Variants in CNTN5 observed in about 807,000 individuals in gnomAD.
CNTN5 encodes contactin-5.
Under a neutral mutation model 129.1 loss-of-function variants are expected in CNTN5, and 77 were observed. That is an observed-to-expected ratio of 0.60 (90% CI 0.50 to 0.72). The LOEUF is 0.72. CNTN5 is among the 30% of genes least tolerant of loss of function. The probability of loss-of-function intolerance (pLI) is 0.00; values close to 1 mark genes in which losing one functional copy is unlikely to be tolerated. For missense variants in CNTN5, 1,478 were observed against 1,328.8 expected (o/e 1.11, Z -1.75); for synonymous variants, 509 against 465.6 (o/e 1.09, Z -1.20).
intron 3 of CNTN5, among the ~76,000 whole-genome samples, chr11:99,671,115 GCT>G (rs1187462385): frequency 4.0e-5 from 6 of 148,558 alleles, no homozygotes; most frequent in African/African-American, 1.5e-4. Context: ...GCTCGCTCTT[GCT>G]CTCTCTCTCT....
chr11:100,049,421 A>C (rs1288124177), intron 9 of CNTN5, among the ~76,000 whole-genome samples: 1 of 152,262 alleles, frequency 6.6e-6, no homozygotes, highest in South Asian at 2.1e-4. Context: ...TGAAATACTA[A>C]AAACTAATAA....
At chr11:99,253,897 T>TTTTATATATA (rs376157994) in intron 1 of CNTN5, among the ~76,000 whole-genome samples, 120 of 139,042 alleles carry the variant, frequency 8.6e-4, no homozygotes, top group African/African-American at 2.9e-3. Context: ...AAATATACGT[T>TTTTATATATA]TATATATATA....
intron 2 of CNTN5, among the ~76,000 whole-genome samples, chr11:99,414,227 T>C (rs897872475): frequency 6.6e-6 from 1 of 152,146 alleles, no homozygotes; most frequent in Admixed American, 6.6e-5. Flanking sequence ...AACAAAAATA[T>C]ACATTTCCAT....
chr11:100,134,268 A>G (rs909142395), intron 13 of CNTN5, among the ~76,000 whole-genome samples: 2 of 152,156 alleles, frequency 1.3e-5, no homozygotes, highest in Non-Finnish European at 2.9e-5. Context: ...TTAGAAGGGC[A>G]GGCTGTAAAC....
intron 7 of CNTN5, among the ~76,000 whole-genome samples, chr11:99,955,171 T>C (rs1015379029): frequency 6.6e-6 from 1 of 150,734 alleles, no homozygotes; most frequent in Non-Finnish European, 1.5e-5. Context: ...CTAAAATAAA[T>C]ATATATTAAA....
intron 3 of CNTN5, among the ~76,000 whole-genome samples, chr11:99,732,551 G>A (rs1943570522): frequency 6.6e-6 from 1 of 152,174 alleles, no homozygotes; most frequent in African/African-American, 2.4e-5. Context: ...CATGAGAGAG[G>A]TGAGAATTGA....
intron 1 of CNTN5, among the ~76,000 whole-genome samples, chr11:99,119,392 T>C (rs1257552536): frequency 6.6e-6 from 1 of 152,208 alleles, no homozygotes; most frequent in Non-Finnish European, 1.5e-5. Flanking sequence ...CATACGGTTT[T>C]TGGTTTTCTG....
intron 15 of CNTN5, among the ~76,000 whole-genome samples, chr11:100,215,431 T>G (rs1250953553): frequency 6.6e-6 from 1 of 152,184 alleles, no homozygotes; most frequent in African/African-American, 2.4e-5. Flanking sequence ...AACAAGTAGT[T>G]ATATCCTAGG....
chr11:99,214,799 G>A (rs111951842), intron 1 of CNTN5, among the ~76,000 whole-genome samples: 1,618 of 152,144 alleles, frequency 0.011, 16 homozygotes, highest in Non-Finnish European at 0.014. Context: ...AGGAATTCCA[G>A]TGATACCATA....
At chr11:100,026,099 T>C (rs1318606141) in intron 9 of CNTN5, among the ~76,000 whole-genome samples, 1 of 152,114 alleles carries the variant, frequency 6.6e-6, no homozygotes, top group African/African-American at 2.4e-5. Flanking sequence ...TTAATCCCCA[T>C]GTGTCAAGGG....
At chr11:99,348,412 C>T (rs1728482649) in intron 2 of CNTN5, among the ~76,000 whole-genome samples, 1 of 152,150 alleles carries the variant, frequency 6.6e-6, no homozygotes, top group Non-Finnish European at 1.5e-5. Flanking sequence ...AGGCCTAGAA[C>T]ATATTGATAA....
chr11:100,032,000 G>A (rs1024383801), intron 9 of CNTN5, among the ~76,000 whole-genome samples: 8 of 152,146 alleles, frequency 5.3e-5, no homozygotes, highest in East Asian at 1.9e-4. Context: ...TCAACCTGCC[G>A]ATCCACATAG....
chr11:100,204,114 T>C (rs1016552296), intron 15 of CNTN5, among the ~76,000 whole-genome samples: 4 of 150,774 alleles, frequency 2.7e-5, no homozygotes, highest in Non-Finnish European at 5.9e-5. Context: ...TTTTTCCTCT[T>C]CTAGTCTTTA....
At chr11:99,241,754 A>G (rs999351916) in intron 1 of CNTN5, among the ~76,000 whole-genome samples, 3 of 152,194 alleles carry the variant, frequency 2.0e-5, no homozygotes, top group Admixed American at 2.0e-4. Flanking sequence ...CTTGAAGATC[A>G]CAATTCACAG....
At chr11:99,895,647 T>TG (rs1274775357) in intron 6 of CNTN5, among the ~76,000 whole-genome samples, 1 of 151,798 alleles carries the variant, frequency 6.6e-6, no homozygotes, top group Non-Finnish European at 1.5e-5. Context: ...GGAAAGTGAG[T>TG]GGGGGAAGAG....
chr11:99,966,290 G>T (rs1346227106), intron 8 of CNTN5, among the ~76,000 whole-genome samples: 1 of 152,082 alleles, frequency 6.6e-6, no homozygotes, highest in Non-Finnish European at 1.5e-5. Context: ...TCTTAGCTTT[G>T]GTTCCCCTAA....
At chr11:99,894,049 C>T (rs1214653761) in intron 6 of CNTN5, among the ~76,000 whole-genome samples, 1 of 151,890 alleles carries the variant, frequency 6.6e-6, no homozygotes, top group African/African-American at 2.4e-5. Context: ...CAGCTGGTGG[C>T]ATTCTTTTAT....
At chr11:99,147,510 A>G (rs1365827366) in intron 1 of CNTN5, among the ~76,000 whole-genome samples, 7 of 152,196 alleles carry the variant, frequency 4.6e-5, no homozygotes, top group Non-Finnish European at 7.3e-5. Context: ...TTCTAAAAGA[A>G]AGAAGCTTTC....
intron 1 of CNTN5, among the ~76,000 whole-genome samples, chr11:99,184,039 G>A (rs566141555): frequency 6.6e-6 from 1 of 151,920 alleles, no homozygotes; most frequent in African/African-American, 2.4e-5. Context: ...CATTCTCATT[G>A]CCTCCACTCT....
Sources: gnomAD v4.1 joint callset for allele counts (sites outside exome capture counted in the v4.1 genomes callset) on GRCh38, gnomAD v4.1.1 for gene constraint, MANE v1.5 for transcripts, NCBI Gene and HGNC (gene_info 2026-07-23, HGNC 2026-07-21) for gene names.